KLHL3: variants seen among roughly 807,000 people sequenced by gnomAD.
The protein encoded by KLHL3 is kelch like family member 3, also known as kelch-like protein 3.
KLHL3 carries 19 observed loss-of-function variants against 70.5 expected under a neutral mutation model. The observed-to-expected ratio is 0.27, with a 90% confidence interval of 0.19 to 0.40. KLHL3 has a LOEUF of 0.40. Ranked by LOEUF, KLHL3 falls within the 10% of genes least tolerant of loss-of-function variation. The pLI is 1.00. For missense variants in KLHL3, 512 were observed against 771.1 expected, an observed-to-expected ratio of 0.66 and a Z score of 3.98; for synonymous variants, 258 against 290.3, an observed-to-expected ratio of 0.89 and a Z score of 1.13.
intron 1 of KLHL3, among the ~76,000 whole-genome samples, chr5:137,727,550 T>C (rs1485914188): frequency 6.6e-6 from 1 of 152,154 alleles, no homozygotes; most frequent in Non-Finnish European, 1.5e-5. Flanking sequence ...ACTAAAATAC[T>C]TGCAATAGCC....
Position 137,639,155 on chromosome 5 carries a change from G to C in KLHL3, c.1022-5C>G. On this transcript the variant is annotated splice_region_variant and splice_polypyrimidine_tract_variant and intron_variant, in intron 9 of 14. Transcript: ENST00000309755. The surrounding 1 kb of genome is among the most constrained non-coding windows in gnomAD (Gnocchi z 5.0). ...GGCCAGCCATGAACACCACACCTGA[G>C]GCACAGGAAACCAAGACATCAAGGT... The C allele has an allele frequency of 6.2e-7, 1 of 1,613,332 alleles. No individual in the cohort carries two copies.
At position 137,653,077 on chromosome 5, in the gene KLHL3, C is replaced by A. The variant is rs1326509211; in HGVS notation, c.903+5054G>T. The stretch of plus-strand genomic sequence containing the variant: ...CTAACACGGTAAAACCCCGTCTCTA[C>A]TAAAAATACAAAAAAAAAAAAAATT... On this transcript the variant is annotated intron_variant, in intron 8 of 14. Transcript: ENST00000309755. 17 of 149,326 alleles carry A rather than the reference C, an allele frequency of 1.1e-4. 2 individuals are homozygous for A. The highest frequency in any genetic ancestry group is 1.0e-3 in the Admixed American group (15 of 14,912). 9.3% of individuals were successfully genotyped at this position (149,326 alleles called of 1,614,324 possible).
At chr5:137,696,019 T>A (rs534541796) in intron 4 of KLHL3, among the ~76,000 whole-genome samples, 1 of 152,124 alleles carries the variant, frequency 6.6e-6, no homozygotes, top group African/African-American at 2.4e-5. Context: ...GTCTACAGGT[T>A]ACCCTTCAGC....
intron 13 of KLHL3, 94 bp downstream of exon 13, chr5:137,628,203 G>A: frequency 1.4e-6 from 2 of 1,478,454 alleles, no homozygotes; most frequent in East Asian, 2.3e-5. Context: ...CTCAGCTCCA[G>A]ACCCTGGGAA....
intron 8 of KLHL3, chr5:137,647,568 G>A: frequency 2.1e-6 from 1 of 472,254 alleles, no homozygotes; most frequent in South Asian, 1.5e-5. Flanking sequence ...TGGGCAGAAG[G>A]CAGGCCCAGC....
chr5:137,726,181 A>G lies in KLHL3; in HGVS notation c.15-5597T>C, dbSNP rs538758573. ...TGTGAGGTTTATGAGCTGAAGCTTC[A>G]GTCACAGCCCTCTGCCTCCATTTGT... On this transcript the variant is annotated intron_variant, in intron 1 of 14. Coordinates refer to ENST00000309755, the MANE Select transcript of KLHL3 (RefSeq NM_017415.3). 5.9e-5 allele frequency among the ~76,000 whole-genome samples: 9 copies of G among 152,282 alleles called. No homozygotes were observed. The East Asian group carries it at 1.7e-3, about 29-fold the overall frequency.
intron 14 of KLHL3, among the ~76,000 whole-genome samples, chr5:137,624,175 T>A (rs1750393808): frequency 6.6e-6 from 1 of 152,236 alleles, no homozygotes; most frequent in South Asian, 2.1e-4. Flanking sequence ...CATAAATCTT[T>A]GTATTTTGGA....
At chr5:137,691,696 C>T (rs1214985550) in intron 5 of KLHL3, among the ~76,000 whole-genome samples, 5 of 151,850 alleles carry the variant, frequency 3.3e-5, no homozygotes, top group South Asian at 2.1e-4. Flanking sequence ...CTGCAAGCTC[C>T]GCCTCCCGGA....
intron 14 of KLHL3, among the ~76,000 whole-genome samples, chr5:137,622,327 A>G (rs1750333961): frequency 6.6e-6 from 1 of 152,192 alleles, no homozygotes; most frequent in Non-Finnish European, 1.5e-5. Context: ...AGACACTTGA[A>G]CCTACGAGCA....
intron 8 of KLHL3, among the ~76,000 whole-genome samples, chr5:137,644,030 G>A (rs1464088997): frequency 6.6e-6 from 1 of 151,972 alleles, no homozygotes; most frequent in African/African-American, 2.4e-5. Flanking sequence ...ATGTTCTCCA[G>A]GTTCATCCAC....
chr5:137,712,482 A>C (rs999707033), intron 2 of KLHL3, among the ~76,000 whole-genome samples: 59 of 152,230 alleles, frequency 3.9e-4, no homozygotes, highest in African/African-American at 1.4e-3. Context: ...AAACTTGCCA[A>C]ATAGTTAAGA....
chr5:137,637,285 C>T lies in KLHL3; in HGVS notation c.1321+9G>A. ...TAGGCCTGGCCACTGGCCACTGCCG[C>T]CTCCTTACCCTCCACAACGCCCACA... On this transcript the variant is annotated intron_variant, in intron 11 of 14. Transcript: ENST00000309755. The T allele has an allele frequency of 6.2e-7, 1 of 1,613,442 alleles. No homozygotes were observed. Among genetic ancestry groups the T allele is most frequent in the Non-Finnish European group, 8.5e-7 (1 of 1,179,378 alleles).
At chr5:137,623,780 G>A (rs1400215075) in intron 14 of KLHL3, among the ~76,000 whole-genome samples, 3 of 152,138 alleles carry the variant, frequency 2.0e-5, no homozygotes, top group African/African-American at 7.2e-5. Flanking sequence ...CACCCTAAAA[G>A]GCTTAGTCTA....
intron 2 of KLHL3, among the ~76,000 whole-genome samples, chr5:137,711,481 C>T (rs1469712684): frequency 6.6e-6 from 1 of 152,178 alleles, no homozygotes; most frequent in Non-Finnish European, 1.5e-5. Context: ...TTAGCCCCAA[C>T]AGGGAGAAGT....
In KLHL3 at chr5:137,637,385, C is replaced by T. The variant is rs761754367; in HGVS notation, c.1230G>A (p.Ser410=). 7.4e-6 allele frequency: 12 copies of T among 1,613,730 alleles called. No individual in the cohort carries two copies. The highest frequency in any genetic ancestry group is 1.3e-5 in the African/African-American group (1 of 75,046). Residue 410 remains serine (S), a synonymous_variant, in exon 11 of 15, where the codon TCG becomes TCA. Transcript: ENST00000309755. ...TGGTCTTGTAGCTGTAGGCTTCCAC[C>T]GATGCTAGGCCTGGGAGACAAGAGA... The part of the protein sequence containing the change: ...GGFDGSTGLA[S]VEAYSYKTNE...
intron 2 of KLHL3, among the ~76,000 whole-genome samples, chr5:137,710,759 T>A (rs1752777388): frequency 6.6e-6 from 1 of 152,204 alleles, no homozygotes. Context: ...GAGTTATATG[T>A]GCCAGGCACT....
chr5:137,731,863 T>C (rs977417468), intron 1 of KLHL3, among the ~76,000 whole-genome samples: 1 of 152,184 alleles, frequency 6.6e-6, no homozygotes, highest in Non-Finnish European at 1.5e-5. Flanking sequence ...GTAAAATAGA[T>C]GTAACATAAA....
At chr5:137,634,251 G>A in intron 11 of KLHL3, 86 bp from the exon 12 acceptor site, 1 of 1,444,528 alleles carries the variant, frequency 6.9e-7, no homozygotes, top group South Asian at 1.4e-5. Flanking sequence ...GCAACCAACT[G>A]GGGCACCCTT....
intron 2 of KLHL3, among the ~76,000 whole-genome samples, chr5:137,716,192 G>C (rs1000552598): frequency 6.6e-6 from 1 of 151,602 alleles, no homozygotes; most frequent in African/African-American, 2.4e-5. Flanking sequence ...TCAATATAGT[G>C]TTAAGTTAGG....
Sources: allele counts gnomAD v4.1 joint callset (sites outside exome capture counted in the v4.1 genomes callset), GRCh38; gene constraint gnomAD v4.1.1; non-coding constraint Gnocchi (gnomAD v3.1); transcripts MANE v1.5; gene names NCBI Gene and HGNC (gene_info 2026-07-23, HGNC 2026-07-21).